EFCAB6: variants seen among roughly 807,000 people sequenced by gnomAD.
EFCAB6 encodes EF-hand calcium binding domain 6, also known as EF-hand calcium-binding domain-containing protein 6.
In EFCAB6, 156 loss-of-function variants were observed where a neutral mutation model predicts 169.8. The ratio of observed to expected loss-of-function variants is 0.92; its 90% CI spans 0.81 to 1.05. The LOEUF is 1.05. Among genes scored for constraint, EFCAB6 ranks in the 50% least tolerant of loss-of-function variants. The probability of loss-of-function intolerance (pLI) is 0.00; values close to 1 mark genes in which losing one functional copy is unlikely to be tolerated. For synonymous variants in EFCAB6, 698 were observed against 676.4 expected (o/e 1.03, Z -0.50); for missense variants, 1,800 against 1,829.1 (o/e 0.98, Z 0.29).
intron 3 of EFCAB6, among the ~76,000 whole-genome samples, chr22:43,774,943 C>T (rs2061590696): frequency 6.6e-6 from 1 of 151,980 alleles, no homozygotes. Context: ...CATTCTTCAC[C>T]TTCCCCCTGG....
chr22:43,670,054 T>C (rs2057421957), intron 15 of EFCAB6, among the ~76,000 whole-genome samples: 1 of 152,212 alleles, frequency 6.6e-6, no homozygotes, highest in Non-Finnish European at 1.5e-5. Context: ...GGGTAGGTTT[T>C]CAGTGATTAA....
chr22:43,709,914 T>C (rs112946592), intron 10 of EFCAB6, among the ~76,000 whole-genome samples: 1,523 of 152,272 alleles, frequency 0.01, 21 homozygotes, highest in African/African-American at 0.035. Context: ...TCTGGACATA[T>C]AGGGAGCTGG....
intron 28 of EFCAB6, among the ~76,000 whole-genome samples, chr22:43,539,300 C>T (rs2047556767): frequency 6.6e-6 from 1 of 152,222 alleles, no homozygotes; most frequent in Non-Finnish European, 1.5e-5. Context: ...TACTTACCGC[C>T]TTTTAATGTA....
At chr22:43,729,881 G>T (rs1284819955) in intron 8 of EFCAB6, among the ~76,000 whole-genome samples, 1 of 152,102 alleles carries the variant, frequency 6.6e-6, no homozygotes, top group Non-Finnish European at 1.5e-5. Context: ...AATATGTGCT[G>T]GTCATGGCGG....
Position 43,669,918 on chromosome 22 carries a change from G to A in EFCAB6, c.1641-873C>T, listed in dbSNP as rs374868243. 2.0e-4 allele frequency among the ~76,000 whole-genome samples: 30 copies of A among 152,146 alleles called. 1 individual carries two copies. The highest frequency in any genetic ancestry group is 1.3e-3 in the East Asian group (7 of 5,194). On this transcript the variant is annotated intron_variant, in intron 15 of 31. Coordinates refer to ENST00000262726, the MANE Select transcript of EFCAB6 (RefSeq NM_022785.4). ...TCGATTCTTTTATGCATGTAGAGTC[G>A]AGTCCATCAGAGGCAACATGTGTGA...
rs146434902 is a variant in EFCAB6 at position 43,798,467 on chromosome 22, CA to C, written c.-8+10527del. Among the ~76,000 whole-genome samples, 95 of 152,306 alleles carry C rather than the reference CA, an allele frequency of 6.2e-4. 1 individual carries two copies. The highest frequency in any genetic ancestry group is 1.5e-3 in the Admixed American group (23 of 15,302). On this transcript the variant is annotated intron_variant, in intron 2 of 31. Transcript: ENST00000262726. Reference sequence around the variant, plus strand: ...AATTTCAGTTCAAATGCCACTTCTTCAGGGAGCCTTCCTTGACACCTCATGC... The same window carrying C: ...AATTTCAGTTCAAATGCCACTTCTTCGGGAGCCTTCCTTGACACCTCATGC...
In EFCAB6 at chr22:43,562,021, G is replaced by A. The variant is rs1473639167; in HGVS notation, c.3421-6925C>T. Among the ~76,000 whole-genome samples, 5 of 152,264 alleles carry A rather than the reference G, an allele frequency of 3.3e-5. No individual in the cohort carries two copies. The East Asian group carries it at 9.7e-4, about 29-fold the overall frequency. ...CACACTCCCCAGCTTATCTGGCAAA[G>A]ATAAGCTCCTGGCTGCTTCTGGTGA... On this transcript the variant is annotated intron_variant, in intron 26 of 31. Transcript: ENST00000262726.
At chr22:43,784,147 T>C (rs2061925661) in intron 2 of EFCAB6, among the ~76,000 whole-genome samples, 1 of 152,174 alleles carries the variant, frequency 6.6e-6, no homozygotes, top group Non-Finnish European at 1.5e-5. Context: ...GTGTGGTCCA[T>C]ACTTATTTTC....
chr22:43,748,664 G>C (rs2060649161), intron 6 of EFCAB6, among the ~76,000 whole-genome samples: 1 of 152,146 alleles, frequency 6.6e-6, no homozygotes, highest in African/African-American at 2.4e-5. Context: ...TCAAGGCACT[G>C]AAGTTACCAC....
intron 8 of EFCAB6, among the ~76,000 whole-genome samples, chr22:43,729,566 G>C (rs2059860257): frequency 1.3e-5 from 2 of 152,186 alleles, no homozygotes; most frequent in African/African-American, 4.8e-5. Context: ...AAACTCTCCA[G>C]GAGTGGATAG....
At position 43,600,721 on chromosome 22, in the gene EFCAB6, T is replaced by C. The variant is rs1022629146; in HGVS notation, c.2682-458A>G. 1.3e-4 allele frequency among the ~76,000 whole-genome samples: 20 copies of C among 152,168 alleles called. 1 individual carries two copies. The highest frequency in any genetic ancestry group is 5.2e-4 in the Admixed American group (8 of 15,266). On this transcript the variant is annotated intron_variant, in intron 22 of 31. Coordinates refer to ENST00000262726, the MANE Select transcript of EFCAB6 (RefSeq NM_022785.4). ...CTCTGTGGCCCAGGCTGGAGTACAGTGGTGCGAGCTGGGCTCACTACAACC... is the reference window on the plus strand; with the variant it reads ...CTCTGTGGCCCAGGCTGGAGTACAGCGGTGCGAGCTGGGCTCACTACAACC...
chr22:43,689,314 G>A (rs991915540), intron 10 of EFCAB6, among the ~76,000 whole-genome samples: 2 of 151,024 alleles, frequency 1.3e-5, no homozygotes, highest in South Asian at 2.1e-4. Context: ...CGTGAGCCAC[G>A]CGAGGGAGAG....
chr22:43,717,932 C>T (rs1351458105), intron 8 of EFCAB6, among the ~76,000 whole-genome samples: 1 of 152,110 alleles, frequency 6.6e-6, no homozygotes, highest in African/African-American at 2.4e-5. Flanking sequence ...AACAAAGATA[C>T]GTGTCTAAAT....
chr22:43,576,479 C>A lies in EFCAB6; in HGVS notation c.3238G>T (p.Ala1080Ser). 2 of 1,530,434 alleles carry A rather than the reference C, an allele frequency of 1.3e-6. No individual in the cohort carries two copies. The highest frequency in any genetic ancestry group is 1.7e-6 in the Non-Finnish European group (2 of 1,147,020). 94.8% of individuals were successfully genotyped at this position (1,530,434 alleles called of 1,614,324 possible). The change falls in exon 26 of 32, where the codon GCA (alanine) becomes TCA (serine). Residue 1080 changes from alanine (A) to serine (S), a missense_variant. Coordinates refer to ENST00000262726, the MANE Select transcript of EFCAB6 (RefSeq NM_022785.4). ...SQLALSTAFS[A>S]LDKEDTGFVK... ...AATCCTGTATCCTCTTTATCCAATG[C>A]AGAAAATGCCTAAAAAGAAAGAAAA...
chr22:43,784,704 C>CAT (rs2062012496), intron 2 of EFCAB6, among the ~76,000 whole-genome samples: 3 of 133,816 alleles, frequency 2.2e-5, no homozygotes, highest in South Asian at 4.8e-4. Flanking sequence ...CACACACACA[C>CAT]ACACACACAC....
At chr22:43,752,592 G>A (rs1301626621) in intron 6 of EFCAB6, among the ~76,000 whole-genome samples, 1 of 152,164 alleles carries the variant, frequency 6.6e-6, no homozygotes, top group Non-Finnish European at 1.5e-5. Flanking sequence ...TGCTTTAGGT[G>A]TGGGGCATAA....
chr22:43,783,640 C>A (rs537348591), intron 2 of EFCAB6, among the ~76,000 whole-genome samples: 1 of 152,264 alleles, frequency 6.6e-6, no homozygotes, highest in African/African-American at 2.4e-5. Flanking sequence ...CCATATATAA[C>A]AAAGAATACA....
At chr22:43,539,538 C>T (rs185811437) in intron 28 of EFCAB6, among the ~76,000 whole-genome samples, 290 of 152,318 alleles carry the variant, frequency 1.9e-3, no homozygotes, top group African/African-American at 6.6e-3. Flanking sequence ...CCACCCTGTC[C>T]TGATGACATT....
chr22:43,659,534 C>A lies in EFCAB6; in HGVS notation c.1983+7570G>T, dbSNP rs1001567665. ...AATTATCCGGGTGTGGTGGTGCATG[C>A]CCGTGGTCCCAGCTACTCAGGAGGG... On this transcript the variant is annotated intron_variant, in intron 17 of 31. Coordinates refer to ENST00000262726, the MANE Select transcript of EFCAB6 (RefSeq NM_022785.4). Among the ~76,000 whole-genome samples, 5 of 152,088 alleles carry A rather than the reference C, an allele frequency of 3.3e-5. No individual in the cohort carries two copies. In the South Asian group the frequency reaches 8.3e-4, roughly 25 times the overall value.
Sources: allele counts gnomAD v4.1 joint callset (sites outside exome capture counted in the v4.1 genomes callset), GRCh38; gene constraint gnomAD v4.1.1; transcripts MANE v1.5; gene names NCBI Gene and HGNC (gene_info 2026-07-23, HGNC 2026-07-21).